The following DYNC2H1 variants were observed in gnomAD, a reference collection of about 807,000 sequenced individuals.
DYNC2H1 encodes cytoplasmic dynein 2 heavy chain 1.
DYNC2H1 carries 410 observed loss-of-function variants against 570.0 expected under a neutral mutation model. The observed-to-expected ratio is 0.72, with a 90% CI of 0.66 to 0.78. DYNC2H1 has a LOEUF of 0.78. Ranked by LOEUF, DYNC2H1 falls within the 30% of genes least tolerant of loss-of-function variation. The pLI, the probability that DYNC2H1 is intolerant of heterozygous loss-of-function variation, is 0.00. For synonymous variants in DYNC2H1, 1,688 were observed against 1,677.6 expected (o/e 1.01, Z -0.15); for missense variants, 4,865 against 5,046.4 (o/e 0.96, Z 1.09).
chr11:103,273,050 C>G (rs1190996312), intron 70 of DYNC2H1, among the ~76,000 whole-genome samples: 2 of 151,776 alleles, frequency 1.3e-5, no homozygotes, highest in Admixed American at 1.3e-4. Flanking sequence ...AATATTTGCT[C>G]AATTTTGGAT....
In DYNC2H1 at chr11:103,166,990, CTTTTTTTTT is replaced by C. The variant is rs34816989; in HGVS notation, c.4762+955_4762+963del. ...TGGGTTTGGATCTCTGAGGCGCTGC[CTTTTTTTTT>C]TTTTTTTTTTTTGATTTTTCCTCTT... On this transcript the variant is annotated intron_variant, in intron 31 of 88. Transcript: ENST00000375735. Among the ~76,000 whole-genome samples, 15 of 56,992 alleles carry C rather than the reference CTTTTTTTTT, an allele frequency of 2.6e-4. No homozygotes were observed. In the Admixed American group the frequency reaches 3.2e-3, roughly 12 times the overall value. 37.4% of individuals were successfully genotyped at this position (56,992 alleles called of 152,430 possible).
chr11:103,179,368 G>C (rs1202251691), intron 39 of DYNC2H1, 135 bp downstream of exon 39: 1 of 754,446 alleles, frequency 1.3e-6, no homozygotes, highest in African/African-American at 1.8e-5. Flanking sequence ...TTTTTTGTTA[G>C]GTTTTAATTA....
At chr11:103,142,025 T>C (rs977271134) in intron 17 of DYNC2H1, among the ~76,000 whole-genome samples, 1 of 152,210 alleles carries the variant, frequency 6.6e-6, no homozygotes, top group Admixed American at 6.5e-5. Context: ...GTGCAGGATA[T>C]AATCTCCTGG....
intron 60 of DYNC2H1, among the ~76,000 whole-genome samples, chr11:103,232,747 G>T (rs1207599789): frequency 6.6e-6 from 1 of 151,970 alleles, no homozygotes; most frequent in Non-Finnish European, 1.5e-5. Context: ...TATGAGAGTT[G>T]ATTTAATGCA....
chr11:103,177,804 G>T lies in DYNC2H1; in HGVS notation c.6123G>T (p.Val2041=), dbSNP rs1172752447. 6.2e-7 allele frequency: 1 copy of T among 1,610,286 alleles called. No homozygotes were observed. Among genetic ancestry groups the T allele is most frequent in the East Asian group, 2.2e-5 (1 of 44,738 alleles). The change falls in exon 38 of 89, where the codon GTG becomes GTT. Residue 2041 remains valine, a synonymous_variant. Coordinates refer to ENST00000375735, the MANE Select transcript of DYNC2H1 (RefSeq NM_001377.3). This position sits in a 1 kb window ranked among gnomAD's most constrained non-coding sequence, Gnocchi z 4.4. The part of the protein sequence containing the change: ...DGVLTNSARQ[V]VREPQDVSSW... ...TTTTGACAAATAGTGCTCGTCAAGTGGTTCGGGAACCTCAAGGTTAGTCTC... is the reference window on the plus strand; with the variant it reads ...TTTTGACAAATAGTGCTCGTCAAGTTGTTCGGGAACCTCAAGGTTAGTCTC...
In DYNC2H1 at chr11:103,229,131, C is replaced by T. The variant is rs181544910; in HGVS notation, c.9354-2129C>T. On this transcript the variant is annotated intron_variant, in intron 59 of 88. Transcript: ENST00000375735. ...AATGTATTTCCAGGCAGCCAGTGAC[C>T]AGGGCTGAGAACTTGCCCCAGACCA... 2.6e-4 allele frequency among the ~76,000 whole-genome samples: 40 copies of T among 152,294 alleles called. 1 individual carries two copies. The highest frequency in any genetic ancestry group is 9.6e-4 in the African/African-American group (40 of 41,568).
intron 85 of DYNC2H1, among the ~76,000 whole-genome samples, chr11:103,447,196 GA>G (rs1944452702): frequency 6.6e-6 from 1 of 152,026 alleles, no homozygotes; most frequent in Admixed American, 6.6e-5. Context: ...ATTGAGCCTA[GA>G]AACCCAGGTT....
intron 84 of DYNC2H1, among the ~76,000 whole-genome samples, chr11:103,421,998 T>A (rs1243299671): frequency 6.6e-6 from 1 of 151,524 alleles, no homozygotes; most frequent in Non-Finnish European, 1.5e-5. Context: ...TCAGAAATGA[T>A]AAGGGAGATA....
intron 85 of DYNC2H1, among the ~76,000 whole-genome samples, chr11:103,441,128 C>T (rs534960): frequency 0.54 from 81,724 of 151,918 alleles, 24,414 homozygotes; most frequent in African/African-American, 0.79. Context: ...TTTTCGTTCC[C>T]AGTTTTCTAC....
intron 70 of DYNC2H1, among the ~76,000 whole-genome samples, chr11:103,272,085 AG>A (rs1865731063): frequency 6.6e-6 from 1 of 152,238 alleles, no homozygotes; most frequent in Non-Finnish European, 1.5e-5. Flanking sequence ...ATATACCCAA[AG>A]AATTATAAAT....
chr11:103,419,969 C>A (rs1339015186), intron 84 of DYNC2H1, among the ~76,000 whole-genome samples: 2 of 151,996 alleles, frequency 1.3e-5, no homozygotes, highest in African/African-American at 4.8e-5. Flanking sequence ...AAAAACACAA[C>A]ACGAGAACTT....
rs1218979976 is a variant in DYNC2H1, at chr11:103,125,280, A to G, written c.1842A>G (p.Ala614=). The change falls in exon 12 of 89, where the codon GCA becomes GCG. Residue 614 remains alanine (A), a synonymous_variant. Coordinates refer to ENST00000375735, the MANE Select transcript of DYNC2H1 (RefSeq NM_001377.3). ...ANIAQKFCKQ[A]IILKQVAHFY... is the part of the protein sequence containing the mutation. Reference sequence around the variant, plus strand: ...TTGCACAGAAATTCTGCAAGCAAGCAATTATTCTTAAACAAGTATGAAATT... The same window carrying G: ...TTGCACAGAAATTCTGCAAGCAAGCGATTATTCTTAAACAAGTATGAAATT... 6.2e-7 allele frequency: 1 copy of G among 1,604,492 alleles called. No individual in the cohort carries two copies.
At chr11:103,411,156 T>TACGAGGAAAGAAGAA (rs1943070429) in intron 84 of DYNC2H1, among the ~76,000 whole-genome samples, 3 of 152,152 alleles carry the variant, frequency 2.0e-5, no homozygotes, top group Admixed American at 2.0e-4. Context: ...TTAATTAGAA[T>TACGAGGAAAGAAGAA]ATGAGGAAAG....
rs1192886558 is a variant in DYNC2H1, at chr11:103,203,913, A to G, written c.8311+137A>G. 27 of 595,888 alleles carry G rather than the reference A, an allele frequency of 4.5e-5. No homozygotes were observed. Among genetic ancestry groups the G allele is most frequent in the Non-Finnish European group, 6.9e-5 (24 of 348,044 alleles). The allele number at this position is 595,888 out of a possible 1,614,324, so 36.9% of individuals were successfully genotyped here. On this transcript the variant is annotated intron_variant, in intron 51 of 88. Coordinates refer to ENST00000375735, the MANE Select transcript of DYNC2H1 (RefSeq NM_001377.3). The surrounding 1 kb of genome is among the most constrained non-coding windows in gnomAD (Gnocchi z 4.7). Reference sequence around the variant, plus strand: ...TGGAGCTTTTAGAAAGTAACACCTAACTAGTGGATAGGCTAACCTATAATA... The same window carrying G: ...TGGAGCTTTTAGAAAGTAACACCTAGCTAGTGGATAGGCTAACCTATAATA...
At position 103,109,816 on chromosome 11, in the gene DYNC2H1, C is replaced by G. The variant is rs747500049; in HGVS notation, c.195+47C>G. 73 of 1,560,408 alleles carry G rather than the reference C, an allele frequency of 4.7e-5. No individual in the cohort carries two copies. The African/African-American group carries it at 7.9e-4, about 17-fold the overall frequency. ...CCTGACCCCTGACCACTCTTCAAGT[C>G]CCCAGGCCCAGCCAGAGGGACGTCG... On this transcript the variant is annotated intron_variant, in intron 1 of 88. Transcript: ENST00000375735.
intron 59 of DYNC2H1, among the ~76,000 whole-genome samples, chr11:103,225,209 A>T (rs1252548046): frequency 6.6e-6 from 1 of 151,692 alleles, no homozygotes; most frequent in Non-Finnish European, 1.5e-5. Flanking sequence ...GTTGTCTGTT[A>T]ACTCCGCTGA....
At chr11:103,449,317 T>C (rs942474115) in intron 85 of DYNC2H1, among the ~76,000 whole-genome samples, 4 of 152,162 alleles carry the variant, frequency 2.6e-5, no homozygotes, top group African/African-American at 9.7e-5. Context: ...CTGACTTCTG[T>C]GAGTGAGATG....
intron 84 of DYNC2H1, chr11:103,406,662 T>A (rs941956393): frequency 6.6e-6 from 1 of 151,960 alleles, no homozygotes; most frequent in Non-Finnish European, 1.5e-5. Context: ...AATGCTTGGG[T>A]TATAAATTAG....
rs540078588 is a variant in DYNC2H1 at position 103,256,992 on chromosome 11, G to T, written c.10462-616G>T. ...GCTCTGTCAACTGAGAGGTAGAAAG[G>T]TGTTTAAAATATATTGCTATAGTCT... On this transcript the variant is annotated intron_variant, in intron 68 of 88. Coordinates refer to ENST00000375735, the MANE Select transcript of DYNC2H1 (RefSeq NM_001377.3). The surrounding 1 kb of genome is among the most constrained non-coding windows in gnomAD (Gnocchi z 4.0). 6.4e-4 allele frequency among the ~76,000 whole-genome samples: 98 copies of T among 152,270 alleles called. No individual in the cohort carries two copies. Among genetic ancestry groups the T allele is most frequent in the Non-Finnish European group, 4.3e-4 (29 of 68,014 alleles).
Sources: allele counts gnomAD v4.1 joint callset (sites outside exome capture counted in the v4.1 genomes callset), GRCh38; gene constraint gnomAD v4.1.1; non-coding constraint Gnocchi (gnomAD v3.1); transcripts MANE v1.5; gene names NCBI Gene and HGNC (gene_info 2026-07-23, HGNC 2026-07-21).